CHRM3: variants seen among roughly 807,000 people sequenced by gnomAD.
CHRM3 encodes muscarinic acetylcholine receptor M3.
Under a neutral mutation model 41.8 loss-of-function variants are expected in CHRM3, and 11 were observed. The ratio of observed to expected loss-of-function variants is 0.26; its 90% CI spans 0.17 to 0.44. The LOEUF (loss-of-function observed/expected upper bound fraction) is 0.44, where lower values mean the gene tolerates loss of function less well. Among genes scored for constraint, CHRM3 ranks in the 20% least tolerant of loss-of-function variants. CHRM3 has a pLI of 1.00. For missense variants in CHRM3, 571 were observed against 745.4 expected (o/e 0.77, Z 2.72); for synonymous variants, 297 against 301.4 (o/e 0.99, Z 0.15).
intron 1 of CHRM3, among the ~76,000 whole-genome samples, chr1:239,428,621 A>T (rs1385883513): frequency 6.6e-6 from 1 of 152,120 alleles, no homozygotes; most frequent in Non-Finnish European, 1.5e-5. Context: ...GACAGAGAAA[A>T]TTTTTTCATC....
At chr1:239,876,712 G>A (rs369747270) in intron 6 of CHRM3, among the ~76,000 whole-genome samples, 2 of 152,290 alleles carry the variant, frequency 1.3e-5, no homozygotes, top group Non-Finnish European at 2.9e-5. Context: ...CCTCAGAAGG[G>A]CAGGAATAAA....
intron 5 of CHRM3, among the ~76,000 whole-genome samples, chr1:239,711,413 C>G (rs1661773702): frequency 6.6e-6 from 1 of 151,904 alleles, no homozygotes; most frequent in South Asian, 2.1e-4. Context: ...TGCTTGGCCA[C>G]CCAGACCCCC....
intron 6 of CHRM3, among the ~76,000 whole-genome samples, chr1:239,849,679 C>T (rs957931481): frequency 3.3e-5 from 5 of 152,142 alleles, no homozygotes; most frequent in South Asian, 2.1e-4. Flanking sequence ...TGACCATAGA[C>T]GCTCCTTTGC....
chr1:239,867,685 CAA>C (rs36006087), intron 6 of CHRM3, among the ~76,000 whole-genome samples: 3 of 134,830 alleles, frequency 2.2e-5, no homozygotes, highest in Non-Finnish European at 3.1e-5. Context: ...GACTCTGTCT[CAA>C]AAAAAAAAAA....
intron 6 of CHRM3, among the ~76,000 whole-genome samples, chr1:239,859,782 A>C (rs941665018): frequency 3.4e-5 from 5 of 147,960 alleles, no homozygotes; most frequent in Non-Finnish European, 7.4e-5. Context: ...GCCGTATATC[A>C]GGCATTGTTC....
intron 5 of CHRM3, among the ~76,000 whole-genome samples, chr1:239,717,440 A>G (rs1220432458): frequency 6.7e-6 from 1 of 148,836 alleles, no homozygotes; most frequent in African/African-American, 2.5e-5. Flanking sequence ...TAAAATCCTG[A>G]TACAGAACTC....
In CHRM3 at chr1:239,529,928, C is replaced by T. The variant is rs549611787; in HGVS notation, c.-421-15713C>T. ...ATTATTTTTTTTTGAGACAGAGTCT[C>T]GCTCTGTCGCCCAGGCTGGAGTGCA... On this transcript the variant is annotated intron_variant, in intron 2 of 6. Transcript: ENST00000676153. Among the ~76,000 whole-genome samples the T allele has an allele frequency of 3.9e-5, 6 of 152,008 alleles. 1 individual carries two copies. Among genetic ancestry groups the T allele is most frequent in the East Asian group, 1.9e-4 (1 of 5,142 alleles).
intron 6 of CHRM3, among the ~76,000 whole-genome samples, chr1:239,860,262 A>T (rs1675530233): frequency 6.6e-6 from 1 of 152,200 alleles, no homozygotes; most frequent in South Asian, 2.1e-4. Context: ...GCATTTATAA[A>T]ATGAAACCAT....
chr1:239,679,907 C>T (rs954316845), intron 5 of CHRM3, among the ~76,000 whole-genome samples: 4 of 151,976 alleles, frequency 2.6e-5, no homozygotes, highest in Admixed American at 1.3e-4. Flanking sequence ...CGCTCTGAGC[C>T]CATAGGTCTC....
chr1:239,771,782 C>A (rs1490796142), intron 5 of CHRM3, among the ~76,000 whole-genome samples: 2 of 152,156 alleles, frequency 1.3e-5, no homozygotes, highest in East Asian at 3.9e-4. Context: ...GACAGCATGC[C>A]ACATTTGGCC....
intron 5 of CHRM3, among the ~76,000 whole-genome samples, chr1:239,792,043 T>C (rs983071564): frequency 6.6e-6 from 1 of 152,218 alleles, no homozygotes; most frequent in African/African-American, 2.4e-5. Flanking sequence ...AGCTGCGGAA[T>C]TGGTTTCCTC....
At chr1:239,752,478 G>A (rs969536188) in intron 5 of CHRM3, among the ~76,000 whole-genome samples, 2 of 152,150 alleles carry the variant, frequency 1.3e-5, no homozygotes, top group African/African-American at 4.8e-5. Context: ...TATTAAATTA[G>A]TGAGTGGAAA....
At chr1:239,851,240 A>C (rs1674672039) in intron 6 of CHRM3, among the ~76,000 whole-genome samples, 2 of 152,214 alleles carry the variant, frequency 1.3e-5, no homozygotes, top group Admixed American at 1.3e-4. Flanking sequence ...TGAAGAAAGC[A>C]ATCTGGTGTT....
intron 1 of CHRM3, among the ~76,000 whole-genome samples, chr1:239,402,331 A>T (rs1457976183): frequency 2.0e-5 from 3 of 152,080 alleles, no homozygotes; most frequent in Non-Finnish European, 2.9e-5. Flanking sequence ...ATTTTCCTAA[A>T]CTGCACCACA....
chr1:239,774,259 C>T (rs1667917197), intron 5 of CHRM3, among the ~76,000 whole-genome samples: 1 of 152,158 alleles, frequency 6.6e-6, no homozygotes, highest in African/African-American at 2.4e-5. Flanking sequence ...ACTGGTGTCA[C>T]TGCTCTTTTT....
chr1:239,847,705 C>A (rs547049398), intron 6 of CHRM3, among the ~76,000 whole-genome samples: 3 of 152,096 alleles, frequency 2.0e-5, no homozygotes, highest in East Asian at 1.9e-4. Context: ...TCTCTACACA[C>A]ACACATACAT....
intron 6 of CHRM3, among the ~76,000 whole-genome samples, chr1:239,856,200 A>G (rs1278776554): frequency 6.6e-6 from 1 of 152,148 alleles, no homozygotes; most frequent in Non-Finnish European, 1.5e-5. Context: ...GAGTTCTCGA[A>G]CCCAACTCGC....
At chr1:239,757,876 A>C (rs1666375068) in intron 5 of CHRM3, among the ~76,000 whole-genome samples, 1 of 152,204 alleles carries the variant, frequency 6.6e-6, no homozygotes, top group Non-Finnish European at 1.5e-5. Flanking sequence ...GCAGTGGCTT[A>C]AGCACGTAAT....
chr1:239,454,948 C>A (rs781633827), intron 1 of CHRM3, among the ~76,000 whole-genome samples: 2 of 151,954 alleles, frequency 1.3e-5, no homozygotes, highest in Non-Finnish European at 2.9e-5. Flanking sequence ...AAGTATAGCA[C>A]ATAGAATTAT....
Sources: allele counts gnomAD v4.1 joint callset (sites outside exome capture counted in the v4.1 genomes callset), GRCh38; gene constraint gnomAD v4.1.1; transcripts MANE v1.5; gene names NCBI Gene and HGNC (gene_info 2026-07-23, HGNC 2026-07-21).